Variants in PKHD1L1 observed in about 807,000 individuals in gnomAD.
PKHD1L1 encodes fibrocystin-L.
A neutral mutation model predicts 462.9 loss-of-function variants in PKHD1L1; 434 were observed. The ratio of observed to expected loss-of-function variants is 0.94; its 90% CI spans 0.87 to 1.02. The LOEUF (loss-of-function observed/expected upper bound fraction) is 1.02, where lower values mean the gene tolerates loss of function less well. Ranked by LOEUF, PKHD1L1 falls within the 50% of genes least tolerant of loss-of-function variation. The pLI, the probability that PKHD1L1 is intolerant of heterozygous loss-of-function variation, is 0.00. For missense variants in PKHD1L1, 5,202 were observed against 5,096.1 expected (o/e 1.02, Z -0.63); for synonymous variants, 1,781 against 1,750.0 (o/e 1.02, Z -0.44).
intron 16 of PKHD1L1, among the ~76,000 whole-genome samples, chr8:109,405,355 G>A (rs1033233516): frequency 2.0e-5 from 3 of 152,176 alleles, no homozygotes; most frequent in Admixed American, 2.0e-4. Context: ...TAATAATAAT[G>A]ATAAATATAT....
At chr8:109,414,359 G>A (rs1814017167) in intron 21 of PKHD1L1, among the ~76,000 whole-genome samples, 1 of 152,086 alleles carries the variant, frequency 6.6e-6, no homozygotes, top group Non-Finnish European at 1.5e-5. Context: ...CATGTATACA[G>A]TCACGTAACC....
intron 35 of PKHD1L1, among the ~76,000 whole-genome samples, chr8:109,442,522 TTGAC>T (rs780527402): frequency 1.3e-5 from 2 of 152,180 alleles, no homozygotes; most frequent in African/African-American, 4.8e-5. Flanking sequence ...GCGATGAACT[TTGAC>T]TGACTGAAAT....
Position 109,435,328 on chromosome 8 carries a change from T to C in PKHD1L1, c.3479T>C (p.Ile1160Thr). The change falls in exon 29 of 78, where the codon ATC (isoleucine) becomes ACC (threonine). Residue 1160 changes from isoleucine to threonine, a missense_variant. Physicochemically the swap from Ile to Thr is moderately conservative, Grantham distance 89. This residue lies in a region of PKHD1L1 where 4,497 missense variants were observed against 4,336.8 expected (regional missense o/e 1.04). Transcript: ENST00000378402. ...GTTTATCAGAGTCAGATCTCACATA[T>C]CTGGCCTGATTCTGGAAGCATAGCA... ...YFVYQSQISH[I>T]WPDSGSIAGG... 1 of 1,612,968 alleles carries C rather than the reference T, an allele frequency of 6.2e-7. No individual in the cohort carries two copies. Among genetic ancestry groups the C allele is most frequent in the Non-Finnish European group, 8.5e-7 (1 of 1,179,414 alleles).
intron 67 of PKHD1L1, among the ~76,000 whole-genome samples, chr8:109,500,673 CAAAAAAA>C (rs34827783): frequency 4.2e-5 from 2 of 47,196 alleles, no homozygotes; most frequent in African/African-American, 8.1e-5. Context: ...AACTCTGTCT[CAAAAAAA>C]AAAAAAAAAA....
At position 109,448,758 on chromosome 8, in the gene PKHD1L1, CAAAT is replaced by C. The variant is rs777372592; in HGVS notation, c.6025+374_6025+377del. 9.9e-5 allele frequency among the ~76,000 whole-genome samples: 15 copies of C among 151,742 alleles called. No individual in the cohort carries two copies. The East Asian group carries it at 1.2e-3, about 12-fold the overall frequency. ...AATACAAATACTTTGCTTTATGTAG[CAAAT>C]AAATAAGCATGTAAGTGTATAATTA... On this transcript the variant is annotated intron_variant, in intron 39 of 77. Transcript: ENST00000378402.
intron 40 of PKHD1L1, among the ~76,000 whole-genome samples, chr8:109,450,760 C>T (rs1004294104): frequency 6.6e-6 from 1 of 152,206 alleles, no homozygotes; most frequent in African/African-American, 2.4e-5. Flanking sequence ...CCAGGAGGGT[C>T]GAAGGGCTTT....
At chr8:109,515,114 C>T (rs1586653873) in intron 71 of PKHD1L1, 56 bp from the exon 72 acceptor site, 2 of 1,331,062 alleles carry the variant, frequency 1.5e-6, no homozygotes, top group South Asian at 3.1e-5. Flanking sequence ...GGTTTAAGTG[C>T]TAAATTACAA....
At chr8:109,397,765 G>A (rs569287641) in intron 11 of PKHD1L1, among the ~76,000 whole-genome samples, 1 of 152,188 alleles carries the variant, frequency 6.6e-6, no homozygotes, top group Non-Finnish European at 1.5e-5. Context: ...ACAAAACTTG[G>A]CAAAAATATC....
chr8:109,415,612 A>T (rs1462924803), intron 21 of PKHD1L1, among the ~76,000 whole-genome samples: 1 of 152,050 alleles, frequency 6.6e-6, no homozygotes, highest in African/African-American at 2.4e-5. Context: ...TATCAGAGTT[A>T]TCCTTCCTGT....
chr8:109,507,623 C>G, intron 68 of PKHD1L1, 40 bp from the exon 69 acceptor site: 1 of 1,533,648 alleles, frequency 6.5e-7, no homozygotes, highest in Non-Finnish European at 9.0e-7. Context: ...ATATTGCTCT[C>G]TAGAAACAAT....
rs566248600 is a variant in PKHD1L1, at chr8:109,535,747, G to A, written c.*5657G>A. Among the ~76,000 whole-genome samples, 2 of 152,330 alleles carry A rather than the reference G, an allele frequency of 1.3e-5. No individual in the cohort carries two copies. Among genetic ancestry groups the A allele is most frequent in the African/African-American group, 4.8e-5 (2 of 41,576 alleles). Reference sequence around the variant, plus strand: ...AGCAAAGTAACAAACTGACTTAGAGGAAGGAAAATAGTAAAATACAAAAGA... The same window carrying A: ...AGCAAAGTAACAAACTGACTTAGAGAAAGGAAAATAGTAAAATACAAAAGA... On this transcript the variant is annotated 3_prime_UTR_variant, in exon 78 of 78. Transcript: ENST00000378402.
chr8:109,373,480 A>T (rs1394580084), intron 2 of PKHD1L1, among the ~76,000 whole-genome samples: 1 of 136,378 alleles, frequency 7.3e-6, no homozygotes, highest in East Asian at 2.4e-4. Context: ...GATTTTTTGA[A>T]GGGTTTTTTG....
rs1586591632 is a variant in PKHD1L1, at chr8:109,477,310, A to G, written c.9003A>G (p.Gln3001=). Residue 3001 remains glutamine, a synonymous_variant, in exon 53 of 78, where the codon CAA becomes CAG. Transcript: ENST00000378402. Reference sequence around the variant, plus strand: ...TGAAAGACGTTGTTATTAATTTCCAAGCTTACTGTTGTATTCTCCAGGATT... The same window carrying G: ...TGAAAGACGTTGTTATTAATTTCCAGGCTTACTGTTGTATTCTCCAGGATT... ...PDVKDVVINF[Q]AYCCILQDCF... 1 of 1,613,614 alleles carries G rather than the reference A, an allele frequency of 6.2e-7. No individual in the cohort carries two copies. The highest frequency in any genetic ancestry group is 8.5e-7 in the Non-Finnish European group (1 of 1,179,676).
intron 74 of PKHD1L1, 146 bp downstream of exon 74, chr8:109,522,483 C>T: frequency 9.4e-7 from 1 of 1,060,642 alleles, no homozygotes; most frequent in Non-Finnish European, 1.3e-6. Flanking sequence ...TATAGGCTCG[C>T]TAAAATGATA....
intron 46 of PKHD1L1, among the ~76,000 whole-genome samples, chr8:109,458,327 C>T (rs1416760687): frequency 6.6e-6 from 1 of 152,132 alleles, no homozygotes; most frequent in African/African-American, 2.4e-5. Context: ...CCTCTCACAC[C>T]TGGAATATTA....
At chr8:109,407,537 C>A (rs1824193) in intron 17 of PKHD1L1, among the ~76,000 whole-genome samples, 45,314 of 151,866 alleles carry the variant, frequency 0.3, 7,334 homozygotes, top group Admixed American at 0.43. Context: ...GAGGACAGGC[C>A]TTATTCCTCT....
At chr8:109,426,122 GT>G (rs1354084759) in intron 24 of PKHD1L1, among the ~76,000 whole-genome samples, 7 of 152,052 alleles carry the variant, frequency 4.6e-5, no homozygotes, top group South Asian at 2.1e-4. Context: ...ACATTTTTAT[GT>G]TTTTGTCACT....
chr8:109,458,422 T>TTA (rs774693720), intron 46 of PKHD1L1, among the ~76,000 whole-genome samples: 11 of 150,460 alleles, frequency 7.3e-5, no homozygotes, highest in Non-Finnish European at 1.6e-4. Flanking sequence ...ATCAAAACCG[T>TTA]TATTGAGTTG....
chr8:109,407,532 C>A (rs535750725), intron 17 of PKHD1L1, among the ~76,000 whole-genome samples: 13 of 152,248 alleles, frequency 8.5e-5, no homozygotes, highest in African/African-American at 2.9e-4. Flanking sequence ...CATTTGAGGA[C>A]AGGCCTTATT....
Sources: allele counts gnomAD v4.1 joint callset (sites outside exome capture counted in the v4.1 genomes callset), GRCh38; gene constraint gnomAD v4.1.1; regional missense constraint gnomAD v4.1.1; transcripts MANE v1.5; gene names NCBI Gene and HGNC (gene_info 2026-07-23, HGNC 2026-07-21).